FOXP2: variants seen among roughly 807,000 people sequenced by gnomAD.
FOXP2 encodes forkhead box protein P2.
In FOXP2, 12 loss-of-function variants were observed where a neutral mutation model predicts 115.8. That is an observed-to-expected ratio of 0.10 (90% confidence interval 0.07 to 0.17). The LOEUF (loss-of-function observed/expected upper bound fraction) is 0.17, where lower values mean the gene tolerates loss of function less well. Ranked by LOEUF, FOXP2 falls within the 10% of genes least tolerant of loss-of-function variation. The probability of loss-of-function intolerance (pLI) is 1.00; values close to 1 mark genes in which losing one functional copy is unlikely to be tolerated. For missense variants in FOXP2, 629 were observed against 843.5 expected (o/e 0.75, Z 3.15); for synonymous variants, 328 against 297.7 (o/e 1.10, Z -1.05).
intron 1 of FOXP2, among the ~76,000 whole-genome samples, chr7:114,266,646 C>T (rs1243194487): frequency 6.6e-6 from 1 of 152,156 alleles, no homozygotes; most frequent in African/African-American, 2.4e-5. Context: ...TAGGCCCCAC[C>T]TCCAACACTG....
intron 2 of FOXP2, among the ~76,000 whole-genome samples, chr7:114,489,347 A>G (rs930323835): frequency 2.0e-5 from 3 of 152,170 alleles, no homozygotes; most frequent in African/African-American, 7.2e-5. Context: ...TATACTAGAA[A>G]TAAAACAATA....
chr7:114,383,667 C>T (rs941113145), intron 2 of FOXP2, among the ~76,000 whole-genome samples: 3 of 152,114 alleles, frequency 2.0e-5, no homozygotes, highest in African/African-American at 7.2e-5. Flanking sequence ...AAGAGGATAT[C>T]GTGGCCAGGC....
intron 1 of FOXP2, among the ~76,000 whole-genome samples, chr7:114,195,571 C>T (rs922438877): frequency 6.6e-6 from 1 of 152,118 alleles, no homozygotes; most frequent in Non-Finnish European, 1.5e-5. Context: ...TTTTATTGAA[C>T]AGTTACTGAA....
Position 114,692,165 on chromosome 7 carries a change from T to C in FOXP2, c.*2239T>C, listed in dbSNP as rs1331685177. On this transcript the variant is annotated 3_prime_UTR_variant, in exon 17 of 17. Transcript: ENST00000350908. Reference sequence around the variant, plus strand: ...TTATCTGAAAGGAAAAATGGGTCTTTCAGGTGCATGTTCAAAAGGCTTTGA... The same window carrying C: ...TTATCTGAAAGGAAAAATGGGTCTTCCAGGTGCATGTTCAAAAGGCTTTGA... 3 of 453,906 alleles carry C rather than the reference T, an allele frequency of 6.6e-6. No individual in the cohort carries two copies. Among genetic ancestry groups the C allele is most frequent in the Non-Finnish European group, 4.4e-6 (1 of 226,710 alleles). 28.1% of individuals were successfully genotyped at this position (453,906 alleles called of 1,614,324 possible). A position where few individuals can be genotyped will look rare whatever the true frequency, so the allele number is the denominator to read the frequency against.
intron 1 of FOXP2, among the ~76,000 whole-genome samples, chr7:114,420,105 C>T (rs898610549): frequency 4.0e-5 from 6 of 151,642 alleles, no homozygotes; most frequent in Admixed American, 2.0e-4. Flanking sequence ...TTGCTGTGGG[C>T]GGGAGACTGA....
chr7:114,330,310 G>T (rs1797670200), intron 2 of FOXP2, among the ~76,000 whole-genome samples: 1 of 151,650 alleles, frequency 6.6e-6, no homozygotes, highest in African/African-American at 2.4e-5. Flanking sequence ...ATGAAATATG[G>T]CAAAGATAAA....
intron 2 of FOXP2, among the ~76,000 whole-genome samples, chr7:114,515,412 A>G (rs1052936776): frequency 7.3e-5 from 11 of 150,840 alleles, no homozygotes; most frequent in African/African-American, 2.7e-4. Context: ...TTGCCATTCT[A>G]ACTGGTGTGA....
At chr7:114,358,643 A>C (rs1791671841) in intron 2 of FOXP2, among the ~76,000 whole-genome samples, 1 of 152,130 alleles carries the variant, frequency 6.6e-6, no homozygotes, top group Non-Finnish European at 1.5e-5. Flanking sequence ...ACCTGGAACA[A>C]AGGTGATTCT....
chr7:114,382,521 C>A (rs532745118), intron 2 of FOXP2, among the ~76,000 whole-genome samples: 1 of 152,096 alleles, frequency 6.6e-6, no homozygotes, highest in African/African-American at 2.4e-5. Flanking sequence ...ATTAGGCATT[C>A]GATTTGCCCA....
At chr7:114,220,955 A>G (rs1034289510) in intron 1 of FOXP2, among the ~76,000 whole-genome samples, 1 of 152,182 alleles carries the variant, frequency 6.6e-6, no homozygotes, top group African/African-American at 2.4e-5. Context: ...CTTTGTTCTT[A>G]TAGTTGTGGG....
chr7:114,348,441 C>T (rs1036807522), intron 2 of FOXP2, among the ~76,000 whole-genome samples: 13 of 151,968 alleles, frequency 8.6e-5, no homozygotes, highest in African/African-American at 2.4e-4. Flanking sequence ...TCAAATTCGT[C>T]TCCCATAGAT....
At chr7:114,229,703 C>T (rs938994204) in intron 1 of FOXP2, among the ~76,000 whole-genome samples, 2 of 149,958 alleles carry the variant, frequency 1.3e-5, no homozygotes, top group East Asian at 3.9e-4. Context: ...TTAAAAAAAA[C>T]AAAAACACAA....
chr7:114,140,532 A>G (rs1792177010), intron 1 of FOXP2, among the ~76,000 whole-genome samples: 1 of 152,180 alleles, frequency 6.6e-6, no homozygotes, highest in Admixed American at 6.5e-5. Flanking sequence ...ATTTTATTGA[A>G]ATTCTGTAAT....
At chr7:114,479,035 T>C (rs1274032918) in intron 2 of FOXP2, among the ~76,000 whole-genome samples, 3 of 151,804 alleles carry the variant, frequency 2.0e-5, no homozygotes, top group South Asian at 4.1e-4. Context: ...TTCTGTGCTA[T>C]GGTGACCAAT....
intron 2 of FOXP2, among the ~76,000 whole-genome samples, chr7:114,461,391 T>G (rs1240302943): frequency 6.6e-6 from 1 of 152,182 alleles, no homozygotes; most frequent in East Asian, 1.9e-4. Context: ...ACTTAACCAT[T>G]GTTAGCCCTT....
At chr7:114,368,152 G>A (rs1423342092) in intron 2 of FOXP2, among the ~76,000 whole-genome samples, 1 of 152,096 alleles carries the variant, frequency 6.6e-6, no homozygotes, top group Non-Finnish European at 1.5e-5. Context: ...CTAGTCTGAA[G>A]TGACTTTTGA....
At chr7:114,183,526 A>T (rs934481896) in intron 1 of FOXP2, among the ~76,000 whole-genome samples, 3 of 152,110 alleles carry the variant, frequency 2.0e-5, no homozygotes, top group African/African-American at 7.2e-5. Flanking sequence ...GCATGTCAAG[A>T]CTTGTGCTGA....
At chr7:114,229,858 A>G (rs965290137) in intron 1 of FOXP2, among the ~76,000 whole-genome samples, 1 of 151,742 alleles carries the variant, frequency 6.6e-6, no homozygotes, top group Non-Finnish European at 1.5e-5. Context: ...AGAAAAAATA[A>G]GCCAATGCTA....
chr7:114,433,385 C>T (rs1794198109), intron 2 of FOXP2, among the ~76,000 whole-genome samples: 1 of 151,838 alleles, frequency 6.6e-6, no homozygotes, highest in Non-Finnish European at 1.5e-5. Flanking sequence ...AAAAATCTAA[C>T]ACTTGCCATA....
Sources: allele counts gnomAD v4.1 joint callset (sites outside exome capture counted in the v4.1 genomes callset), GRCh38; gene constraint gnomAD v4.1.1; transcripts MANE v1.5; gene names NCBI Gene and HGNC (gene_info 2026-07-23, HGNC 2026-07-21).